Variants in TLR1 observed in about 807,000 individuals in gnomAD.
TLR1 encodes the protein toll like receptor 1.
In TLR1, 19 loss-of-function variants were observed where a neutral mutation model predicts 20.2. The ratio of observed to expected loss-of-function variants is 0.94; its 90% CI spans 0.66 to 1.38. The LOEUF (loss-of-function observed/expected upper bound fraction) is 1.38, where lower values mean the gene tolerates loss of function less well. TLR1 is among the 40% of genes most tolerant of loss of function. The pLI, the probability that TLR1 is intolerant of heterozygous loss-of-function variation, is 0.00. For missense variants in TLR1, 921 were observed against 910.0 expected (o/e 1.01, Z -0.16); for synonymous variants, 320 against 334.5 (o/e 0.96, Z 0.47).
chr4:38,788,327 A>G (rs1016922582), downstream of TLR1, among the ~76,000 whole-genome samples: 1 of 152,248 alleles, frequency 6.6e-6, no homozygotes, highest in Non-Finnish European at 1.5e-5. Context: ...AAGAGAAAAG[A>G]GTACAGACAA....
rs753369710 is a variant in TLR1 at position 38,797,146 on chromosome 4, A to C, written c.1686T>G (p.Tyr562Ter). Residue 562 changes from tyrosine to a stop codon, truncating the protein, a stop_gained, in exon 4 of 4, where the codon TAT (tyrosine) becomes TAG (stop). Coordinates refer to ENST00000308979, the MANE Select transcript of TLR1 (RefSeq NM_003263.4). LOFTEE classifies it high-confidence loss of function. ...DSYKCDYPES[Y>*]RGTLLKDFHM... ...GAAAGTCCTTTAGTAGGGTTCCTCT[A>C]TAACTTTCCGGGTAGTCACACTTAT... The C allele has an allele frequency of 6.2e-7, 1 of 1,614,242 alleles. No individual in the cohort carries two copies. Among genetic ancestry groups the C allele is most frequent in the Non-Finnish European group, 8.5e-7 (1 of 1,180,048 alleles).
intron 2 of TLR1, among the ~76,000 whole-genome samples, chr4:38,803,505 C>T (rs1358135403): frequency 1.3e-5 from 2 of 152,212 alleles, no homozygotes; most frequent in Admixed American, 1.3e-4. Flanking sequence ...GCCTAACCTC[C>T]ATCTTGCCCT....
downstream of TLR1, chr4:38,796,172 A>T (rs893034465): frequency 2.0e-5 from 7 of 357,278 alleles, no homozygotes. Context: ...ACTAGAACAC[A>T]CATCACTGAA....
At position 38,796,718 on chromosome 4, in the gene TLR1, T is replaced by C; in HGVS notation, c.2114A>G (p.Glu705Gly). The C allele has an allele frequency of 1.2e-6, 2 of 1,614,212 alleles. No homozygotes were observed. Among genetic ancestry groups the C allele is most frequent in the Non-Finnish European group, 1.7e-6 (2 of 1,180,044 alleles). ...AAAGTAGAGTTCATAATGGCACCAT[T>C]CACTCTGGACAAAGTTGGGAGACAA... is the stretch of plus-strand genomic sequence containing the variant. ...FVLSPNFVQSEWCHYELYFAH... is the reference protein window; with the variant it reads ...FVLSPNFVQSGWCHYELYFAH... The change falls in exon 4 of 4, where the codon GAA becomes GGA. Residue 705 changes from glutamate (E) to glycine (G), a missense_variant. Glu to Gly is a moderately conservative substitution (Grantham distance 98). Transcript: ENST00000308979.
rs1471470569 is a variant in TLR1, at chr4:38,798,312, T to C, written c.520A>G (p.Thr174Ala). 1.2e-6 allele frequency: 2 copies of C among 1,613,488 alleles called. No homozygotes were observed. Among genetic ancestry groups the C allele is most frequent in the Non-Finnish European group, 1.7e-6 (2 of 1,179,616 alleles). Residue 174 changes from threonine (T) to alanine (A), a missense_variant, in exon 4 of 4, where the codon ACT (threonine) becomes GCT (alanine). Physicochemically the swap from Thr to Ala is moderately conservative, Grantham distance 58 (BLOSUM62 0). Coordinates refer to ENST00000308979, the MANE Select transcript of TLR1 (RefSeq NM_003263.4). ...TCAGGGTCTTCTTTTTCCCCATAAG[T>C]CTCTCCTAAGACCAGCAAGACCTTG... ...ISKVLLVLGE[T>A]YGEKEDPEGL...
chr4:38,797,587 C>G lies in TLR1; in HGVS notation c.1245G>C (p.Lys415Asn). ...ISQNSVSYDE[K>N]KGDCSWTKSL... Reference sequence around the variant, plus strand: ...TTTTAGTCCAAGAACAGTCTCCTTTCTTTTCATCATAGCTTACAGAATTCT... The same window carrying G: ...TTTTAGTCCAAGAACAGTCTCCTTTGTTTTCATCATAGCTTACAGAATTCT... Residue 415 changes from lysine to asparagine, a missense_variant, in exon 4 of 4, where the codon AAG becomes AAC. Coordinates refer to ENST00000308979, the MANE Select transcript of TLR1 (RefSeq NM_003263.4). The G allele has an allele frequency of 1.2e-6, 2 of 1,613,708 alleles. No homozygotes were observed. Among genetic ancestry groups the G allele is most frequent in the South Asian group, 1.1e-5 (1 of 91,002 alleles).
Position 38,798,530 on chromosome 4 carries a change from G to A in TLR1, c.302C>T (p.Ser101Phe), listed in dbSNP as rs1246166561. Residue 101 changes from serine (S) to phenylalanine (F), a missense_variant, in exon 4 of 4, where the codon TCC becomes TTC. Coordinates refer to ENST00000308979, the MANE Select transcript of TLR1 (RefSeq NM_003263.4). ...FNQELEYLDL[S>F]HNKLVKISCH... Reference sequence around the variant, plus strand: ...AGAAATCTTCACCAACTTGTTGTGGGACAAATCCAAGTATTCCAATTCCTG... The same window carrying A: ...AGAAATCTTCACCAACTTGTTGTGGAACAAATCCAAGTATTCCAATTCCTG... The A allele has an allele frequency of 1.2e-6, 2 of 1,614,132 alleles. No homozygotes were observed. The highest frequency in any genetic ancestry group is 1.7e-5 in the Admixed American group (1 of 60,012).
downstream of TLR1, among the ~76,000 whole-genome samples, chr4:38,791,690 G>T (rs1158426845): frequency 6.6e-6 from 1 of 152,122 alleles, no homozygotes; most frequent in East Asian, 1.9e-4. Flanking sequence ...TTCCATATTT[G>T]TTGGTATAAT....
At chr4:38,803,530 T>C (rs752273516) in intron 2 of TLR1, among the ~76,000 whole-genome samples, 1 of 152,352 alleles carries the variant, frequency 6.6e-6, no homozygotes, top group Non-Finnish European at 1.5e-5. Context: ...TTTAAAGTCA[T>C]TAATTTTAAG....
Position 38,798,609 on chromosome 4 carries a change from T to C in TLR1, c.223A>G (p.Ile75Val), listed in dbSNP as rs768320707. 6.2e-7 allele frequency: 1 copy of C among 1,613,808 alleles called. No homozygotes were observed. Among genetic ancestry groups the C allele is most frequent in the Non-Finnish European group, 8.5e-7 (1 of 1,179,744 alleles). The change falls in exon 4 of 4, where the codon ATA becomes GTA. Residue 75 changes from isoleucine to valine, a missense_variant. By Grantham distance (29) the Ile-to-Val change is conservative. Transcript: ENST00000308979. ...ILSLSKLRILIISHNRIQYLD... is the reference protein window; with the variant it reads ...ILSLSKLRILVISHNRIQYLD... ...TACTGGATTCTATTATGAGAAATTA[T>C]CAAAATCCTCAGTTTTGACAGTGAT... is the stretch of plus-strand genomic sequence containing the variant.
chr4:38,802,384 G>A (rs1033205701), intron 2 of TLR1, among the ~76,000 whole-genome samples: 12 of 152,270 alleles, frequency 7.9e-5, no homozygotes, highest in South Asian at 4.1e-4. Flanking sequence ...GCAAAATGGC[G>A]GACTTCAACG....
At chr4:38,795,897 C>G (rs73142695), downstream of TLR1, among the ~76,000 whole-genome samples, 571 of 152,270 alleles carry the variant, frequency 3.7e-3, 3 homozygotes, top group African/African-American at 0.013. Context: ...TATTTATCCA[C>G]CAGCTCTTTC....
intron 3 of TLR1, chr4:38,800,557 G>C (rs1390302601): frequency 6.6e-6 from 1 of 152,084 alleles, no homozygotes; most frequent in African/African-American, 2.4e-5. Context: ...GAGAACAGAG[G>C]GAGCTGTGTT....
downstream of TLR1, among the ~76,000 whole-genome samples, chr4:38,788,212 G>T (rs1326891179): frequency 6.6e-6 from 1 of 151,690 alleles, no homozygotes; most frequent in East Asian, 1.9e-4. Context: ...AAAGAACAAG[G>T]GAAACACAAA....
At position 38,797,943 on chromosome 4, in the gene TLR1, T is replaced by C; in HGVS notation, c.889A>G (p.Thr297Ala). 6.2e-7 allele frequency: 1 copy of C among 1,614,144 alleles called. No homozygotes were observed. The highest frequency in any genetic ancestry group is 8.5e-7 in the Non-Finnish European group (1 of 1,180,004). Residue 297 changes from threonine (T) to alanine (A), a missense_variant, in exon 4 of 4, where the codon ACT becomes GCT. Thr to Ala is a moderately conservative substitution (Grantham distance 58). Transcript: ENST00000308979. ...LDFRDFDYSGTSLKALSIHQV... is the reference protein window; with the variant it reads ...LDFRDFDYSGASLKALSIHQV... Reference sequence around the variant, plus strand: ...TGTATAGACAAGGCCTTCAAGGAAGTGCCAGAATAATCAAAATCTCTGAAG... The same window carrying C: ...TGTATAGACAAGGCCTTCAAGGAAGCGCCAGAATAATCAAAATCTCTGAAG...
chr4:38,794,343 T>C (rs1725890975), downstream of TLR1, among the ~76,000 whole-genome samples: 1 of 152,218 alleles, frequency 6.6e-6, no homozygotes, highest in African/African-American at 2.4e-5. Flanking sequence ...CCTCCCACTA[T>C]TATGCTTCAA....
In TLR1 at chr4:38,796,781, A is replaced by G. The variant is rs1312862666; in HGVS notation, c.2051T>C (p.Ile684Thr). Residue 684 changes from isoleucine to threonine, a missense_variant, in exon 4 of 4, where the codon ATC becomes ACC. By Grantham distance (89) the Ile-to-Thr change is moderately conservative. Coordinates refer to ENST00000308979, the MANE Select transcript of TLR1 (RefSeq NM_003263.4). ...VPGKSIVENIITCIEKSYKSI... is the reference protein window; with the variant it reads ...VPGKSIVENITTCIEKSYKSI... ...CTTGTAACTCTTCTCAATGCAGGTG[A>G]TGATATTTTCCACAATGCTCTTGCC... The G allele has an allele frequency of 6.2e-7, 1 of 1,614,238 alleles. No homozygotes were observed. The highest frequency in any genetic ancestry group is 1.7e-5 in the Admixed American group (1 of 60,020).
At chr4:38,792,058 A>C (rs1199685147), downstream of TLR1, among the ~76,000 whole-genome samples, 1 of 152,192 alleles carries the variant, frequency 6.6e-6, no homozygotes, top group East Asian at 1.9e-4. Flanking sequence ...CAACCATATG[A>C]GAGAGGTACC....
At chr4:38,799,747 G>A (rs1472150877) in intron 3 of TLR1, among the ~76,000 whole-genome samples, 5 of 152,154 alleles carry the variant, frequency 3.3e-5, no homozygotes, top group Admixed American at 2.0e-4. Flanking sequence ...ACCTATACAC[G>A]GTTTGGGTCT....
Sources: allele counts gnomAD v4.1 joint callset (sites outside exome capture counted in the v4.1 genomes callset), GRCh38; gene constraint gnomAD v4.1.1; transcripts MANE v1.5; gene names NCBI Gene and HGNC (gene_info 2026-07-23, HGNC 2026-07-21).